The following BTBD8 variants were observed in gnomAD, a reference collection of about 807,000 sequenced individuals.
The protein encoded by BTBD8 is BTB domain containing 8, also known as BTB/POZ domain-containing protein 8.
In BTBD8, 110 loss-of-function variants were observed where a neutral mutation model predicts 162.9. The observed-to-expected ratio is 0.68, with a 90% CI of 0.58 to 0.79. The LOEUF is 0.79. Among genes scored for constraint, BTBD8 ranks in the 30% least tolerant of loss-of-function variants. The probability of loss-of-function intolerance (pLI) is 0.00; values close to 1 mark genes in which losing one functional copy is unlikely to be tolerated. For missense variants in BTBD8, 1,905 were observed against 2,085.4 expected, an observed-to-expected ratio of 0.91 and a Z score of 1.68; for synonymous variants, 667 against 716.1, an observed-to-expected ratio of 0.93 and a Z score of 1.10.
At chr1:92,098,285 C>T (rs905600500) in intron 2 of BTBD8, among the ~76,000 whole-genome samples, 2 of 152,210 alleles carry the variant, frequency 1.3e-5, no homozygotes, top group Middle Eastern at 3.4e-3. Context: ...CCTATTTTCC[C>T]CTACATATAG....
At position 92,160,976 on chromosome 1, in the gene BTBD8, A is replaced by G. The variant is rs114018865; in HGVS notation, c.1123-5982A>G. On this transcript the variant is annotated intron_variant, in intron 9 of 17. Transcript: ENST00000636805. ...CCCTGGAAAAGTTGGGATGTTTGAC[A>G]TATGGTCTAACTCTTTCCTTCCCCA... Among the ~76,000 whole-genome samples, 518 of 152,288 alleles carry G rather than the reference A, an allele frequency of 3.4e-3. 2 individuals carry two copies. Among genetic ancestry groups the G allele is most frequent in the Non-Finnish European group, 5.7e-3 (387 of 68,004 alleles).
At position 92,102,675 on chromosome 1, in the gene BTBD8, G is replaced by A. The variant is rs781015778; in HGVS notation, c.544+6G>A. 5 of 1,457,336 alleles carry A rather than the reference G, an allele frequency of 3.4e-6. No homozygotes were observed. Among genetic ancestry groups the A allele is most frequent in the Non-Finnish European group, 4.6e-6 (5 of 1,098,170 alleles). 90.3% of individuals were successfully genotyped at this position (1,457,336 alleles called of 1,614,324 possible). On this transcript the variant is annotated splice_donor_region_variant and intron_variant, in intron 3 of 17. Transcript: ENST00000636805. The stretch of plus-strand genomic sequence containing the variant: ...TGATGATTTCATTTCCAATGGTGAG[G>A]TATTTTTTATGGAGTTGTATTTATA...
chr1:92,096,492 C>G (rs1343588724), intron 2 of BTBD8, among the ~76,000 whole-genome samples: 1 of 151,990 alleles, frequency 6.6e-6, no homozygotes, highest in Non-Finnish European at 1.5e-5. Context: ...CACAGTCATG[C>G]TAACCACCAG....
Position 92,080,774 on chromosome 1 carries a change from C to A in BTBD8, c.149+54C>A. 11 of 1,560,740 alleles carry A rather than the reference C, an allele frequency of 7.0e-6. No homozygotes were observed. In the South Asian group the frequency reaches 1.3e-4, roughly 19 times the overall value. Reference sequence around the variant, plus strand: ...TCAGTTCCTAAATCGCCCACCTCCGCCCCGAAGCTGAGGCTTCTTTCGGCT... The same window carrying A: ...TCAGTTCCTAAATCGCCCACCTCCGACCCGAAGCTGAGGCTTCTTTCGGCT... On this transcript the variant is annotated intron_variant, in intron 1 of 17. Transcript: ENST00000636805.
intron 7 of BTBD8, among the ~76,000 whole-genome samples, chr1:92,142,084 C>T (rs1649789796): frequency 6.6e-6 from 1 of 152,184 alleles, no homozygotes; most frequent in African/African-American, 2.4e-5. Context: ...GGTCTAGTAC[C>T]ACGAACACTA....
intron 7 of BTBD8, among the ~76,000 whole-genome samples, chr1:92,146,288 TA>T (rs957774020): frequency 1.3e-5 from 2 of 150,840 alleles, no homozygotes; most frequent in Non-Finnish European, 3.0e-5. Context: ...TAACAGACTT[TA>T]AAAAAAAACA....
At chr1:92,086,688 A>T (rs1367560924) in intron 1 of BTBD8, among the ~76,000 whole-genome samples, 2 of 152,118 alleles carry the variant, frequency 1.3e-5, no homozygotes, top group Non-Finnish European at 2.9e-5. Flanking sequence ...ATGACCCTTA[A>T]GAAATGATTA....
intron 4 of BTBD8, among the ~76,000 whole-genome samples, chr1:92,122,330 C>T (rs572679198): frequency 1.3e-5 from 2 of 151,852 alleles, no homozygotes; most frequent in East Asian, 3.9e-4. Context: ...GCAATCTCGG[C>T]TCACTGCAAC....
chr1:92,139,159 T>C (rs1255762027), intron 5 of BTBD8, among the ~76,000 whole-genome samples, 191 bp from the exon 6 acceptor site: 1 of 152,216 alleles, frequency 6.6e-6, no homozygotes, highest in Admixed American at 6.5e-5. Context: ...GTATAACTTA[T>C]ATAAAAATCC....
rs563465655 is a variant in BTBD8, at chr1:92,128,022, C to G, written c.663-1665C>G. ...ATCTGGCATTTATTTCTCTAGCAAA[C>G]TTTTTAAAAAGTGAACTTATGTTTT... On this transcript the variant is annotated intron_variant, in intron 4 of 17. Coordinates refer to ENST00000636805, the MANE Select transcript of BTBD8 (RefSeq NM_001376131.1). Among the ~76,000 whole-genome samples, 24 of 152,234 alleles carry G rather than the reference C, an allele frequency of 1.6e-4. No homozygotes were observed. The East Asian group carries it at 4.2e-3, about 27-fold the overall frequency.
chr1:92,099,813 T>C (rs553293150), intron 2 of BTBD8, among the ~76,000 whole-genome samples: 35 of 152,362 alleles, frequency 2.3e-4, no homozygotes, highest in Middle Eastern at 3.4e-3. Context: ...CATCTATAAA[T>C]AAAGATAGCT....
At chr1:92,167,271 C>T in intron 10 of BTBD8, 131 bp downstream of exon 10, 1 of 1,159,226 alleles carries the variant, frequency 8.6e-7, no homozygotes, top group African/African-American at 1.6e-5. Flanking sequence ...TAGCAGATGG[C>T]ATGTTTACAT....
intron 3 of BTBD8, among the ~76,000 whole-genome samples, chr1:92,103,984 T>A (rs1386323581): frequency 6.6e-6 from 1 of 152,218 alleles, no homozygotes; most frequent in Non-Finnish European, 1.5e-5. Context: ...TCATAACACA[T>A]GCAGTAAACT....
intron 1 of BTBD8, among the ~76,000 whole-genome samples, chr1:92,083,654 A>G (rs1470795475): frequency 1.3e-5 from 2 of 152,292 alleles, no homozygotes; most frequent in East Asian, 3.9e-4. Flanking sequence ...TTTGTGATGT[A>G]TCTAGAAGGA....
intron 1 of BTBD8, among the ~76,000 whole-genome samples, chr1:92,087,982 ATTC>A (rs1214285486): frequency 2.6e-5 from 4 of 152,242 alleles, no homozygotes; most frequent in African/African-American, 4.8e-5. Context: ...GTTGATTTCT[ATTC>A]TTCTATCACT....
At position 92,084,415 on chromosome 1, in the gene BTBD8, C is replaced by T. The variant is rs969819246; in HGVS notation, c.149+3695C>T. ...TCTGGGAGTCGCCATCCCAGAGATT[C>T]GTTCCTTGTCTGTGAGGAACATCTG... On this transcript the variant is annotated intron_variant, in intron 1 of 17. Coordinates refer to ENST00000636805, the MANE Select transcript of BTBD8 (RefSeq NM_001376131.1). 3.3e-5 allele frequency among the ~76,000 whole-genome samples: 5 copies of T among 152,264 alleles called. No individual in the cohort carries two copies. The South Asian group carries it at 6.2e-4, about 19-fold the overall frequency.
intron 1 of BTBD8, among the ~76,000 whole-genome samples, chr1:92,081,421 T>A (rs954944598): frequency 6.6e-6 from 1 of 152,226 alleles, no homozygotes; most frequent in Non-Finnish European, 1.5e-5. Context: ...AATTTACATT[T>A]CCAGCAAGAC....
intron 14 of BTBD8, 29 bp downstream of exon 14, chr1:92,177,575 TCTC>T: frequency 7.3e-7 from 1 of 1,377,200 alleles, no homozygotes; most frequent in South Asian, 1.5e-5. Flanking sequence ...ATTTTTAATA[TCTC>T]CTGACAGTTA....
intron 9 of BTBD8, 78 bp from the exon 10 acceptor site, chr1:92,166,880 A>G: frequency 7.2e-7 from 1 of 1,391,692 alleles, no homozygotes; most frequent in Non-Finnish European, 9.5e-7. Flanking sequence ...CATAACAACA[A>G]AAGTATTTGA....
Sources: gnomAD v4.1 joint callset for allele counts (sites outside exome capture counted in the v4.1 genomes callset) on GRCh38, gnomAD v4.1.1 for gene constraint, MANE v1.5 for transcripts, NCBI Gene and HGNC (gene_info 2026-07-23, HGNC 2026-07-21) for gene names.